Variants in SIN3A observed in about 807,000 individuals in gnomAD.
SIN3A encodes SIN3 transcription regulator family member A.
Under a neutral mutation model 146.1 loss-of-function variants are expected in SIN3A, and 14 were observed. The ratio of observed to expected loss-of-function variants is 0.10; its 90% confidence interval spans 0.06 to 0.15. The LOEUF is 0.15. Among genes scored for constraint, SIN3A ranks in the 10% least tolerant of loss-of-function variants. The pLI is 1.00. For synonymous variants in SIN3A, 572 were observed against 572.0 expected, an observed-to-expected ratio of 1.00 and a Z score of 0.00; for missense variants, 1,028 against 1,576.0, an observed-to-expected ratio of 0.65 and a Z score of 5.89.
intron 14 of SIN3A, among the ~76,000 whole-genome samples, chr15:75,393,153 C>T (rs1179189354): frequency 6.6e-6 from 1 of 152,154 alleles, no homozygotes; most frequent in Non-Finnish European, 1.5e-5. Flanking sequence ...CACTTGAACC[C>T]GTGAGGCAAA....
intron 1 of SIN3A, among the ~76,000 whole-genome samples, chr15:75,441,701 T>C (rs569297930): frequency 6.6e-6 from 1 of 152,298 alleles, no homozygotes. Context: ...GGTCTTTTTT[T>C]CCCTTTCTGC....
chr15:75,446,291 A>G (rs1017752353), intron 1 of SIN3A: 2 of 150,922 alleles, frequency 1.3e-5, no homozygotes, highest in African/African-American at 4.9e-5. Flanking sequence ...AAATTAGTGG[A>G]GGAAGCCTTC....
intron 9 of SIN3A, among the ~76,000 whole-genome samples, chr15:75,403,774 G>T (rs1452710402): frequency 6.6e-6 from 1 of 152,082 alleles, no homozygotes; most frequent in Non-Finnish European, 1.5e-5. Flanking sequence ...TTGAACTCCT[G>T]ACTTCAGGTG....
At chr15:75,394,447 A>G (rs559005421) in intron 14 of SIN3A, among the ~76,000 whole-genome samples, 1 of 152,332 alleles carries the variant, frequency 6.6e-6, no homozygotes, top group South Asian at 2.1e-4. Flanking sequence ...AGGAGGTATA[A>G]GTTGAAACCA....
intron 9 of SIN3A, among the ~76,000 whole-genome samples, chr15:75,406,731 A>G (rs554250136): frequency 6.6e-5 from 10 of 152,354 alleles, no homozygotes; most frequent in Admixed American, 3.3e-4. Flanking sequence ...AAAAATTGGT[A>G]CAGGCACTGG....
chr15:75,402,374 T>TAATTA, intron 9 of SIN3A, among the ~76,000 whole-genome samples: 1 of 151,742 alleles, frequency 6.6e-6, no homozygotes, highest in Non-Finnish European at 1.5e-5. Flanking sequence ...TAGCCAGGCA[T>TAATTA]GGTGGCACAC....
At chr15:75,390,880 C>T (rs924586591) in intron 15 of SIN3A, among the ~76,000 whole-genome samples, 3 of 152,178 alleles carry the variant, frequency 2.0e-5, no homozygotes, top group African/African-American at 7.2e-5. Flanking sequence ...CCGGCCTATA[C>T]ATTGCACTTC....
chr15:75,422,805 T>C lies in SIN3A; in HGVS notation c.208A>G (p.Ser70Gly). The C allele has an allele frequency of 6.2e-7, 1 of 1,613,176 alleles. No individual in the cohort carries two copies. The highest frequency in any genetic ancestry group is 8.5e-7 in the Non-Finnish European group (1 of 1,179,206). Residue 70 changes from serine (S) to glycine (G), a missense_variant, in exon 3 of 21, where the codon AGC (serine) becomes GGC (glycine). Ser to Gly is a moderately conservative substitution (Grantham distance 56, BLOSUM62 0). Coordinates refer to ENST00000394947, the MANE Select transcript of SIN3A (RefSeq NM_001145358.2). ...ATAGCGGGCCCATGACTGCCGGAGC[T>C]CTGTGGCATGGCTGAAACCTGGGGT... ...PSYQVSAMPQ[S>G]SGSHGPAIAA...
In SIN3A at chr15:75,398,747, T is replaced by C. The variant is rs192785886; in HGVS notation, c.1854+1293A>G. ...CAATCAGGCCAGGTATGGTGGCTCA[T>C]GTGTGTAATCCCAGCACTTTGGGAG... On this transcript the variant is annotated intron_variant, in intron 12 of 20. Coordinates refer to ENST00000394947, the MANE Select transcript of SIN3A (RefSeq NM_001145358.2). Among the ~76,000 whole-genome samples, 282 of 148,340 alleles carry C rather than the reference T, an allele frequency of 1.9e-3. 2 individuals are homozygous for C. The highest frequency in any genetic ancestry group is 6.9e-3 in the African/African-American group (275 of 39,862).
chr15:75,387,324 A>G (rs2073104800), intron 16 of SIN3A, among the ~76,000 whole-genome samples: 1 of 152,090 alleles, frequency 6.6e-6, no homozygotes, highest in Admixed American at 6.6e-5. Flanking sequence ...CATAAGTTTG[A>G]GGCCAGCCTG....
intron 20 of SIN3A, among the ~76,000 whole-genome samples, chr15:75,373,220 C>CA (rs981401157): frequency 1.5e-4 from 23 of 151,916 alleles, no homozygotes; most frequent in East Asian, 7.7e-4. Context: ...CAACACATAG[C>CA]AAAAAAAATG....
intron 8 of SIN3A, 119 bp downstream of exon 8, chr15:75,409,717 A>T: frequency 9.1e-7 from 1 of 1,094,580 alleles, no homozygotes; most frequent in South Asian, 1.5e-5. Flanking sequence ...ACAGAGCGAG[A>T]CTCGGTCTCA....
Position 75,371,754 on chromosome 15 carries a change from C to T in SIN3A, c.*225G>A. 1 of 549,862 alleles carries T rather than the reference C, an allele frequency of 1.8e-6. No homozygotes were observed. Among genetic ancestry groups the T allele is most frequent in the Non-Finnish European group, 3.2e-6 (1 of 309,730 alleles). 34.1% of individuals were successfully genotyped at this position (549,862 alleles called of 1,614,324 possible). On this transcript the variant is annotated 3_prime_UTR_variant, in exon 21 of 21. Coordinates refer to ENST00000394947, the MANE Select transcript of SIN3A (RefSeq NM_001145358.2). The stretch of plus-strand genomic sequence containing the variant: ...CCTCCAGGGCAGGCTATACCCAAAA[C>T]CCTTTGGGAAAAGTTCCAGCTTCAG...
rs752355034 is a variant in SIN3A, at chr15:75,392,433, T to C, written c.2660A>G (p.Tyr887Cys). The C allele has an allele frequency of 6.2e-7, 1 of 1,614,112 alleles. No individual in the cohort carries two copies. Among genetic ancestry groups the C allele is most frequent in the African/African-American group, 1.3e-5 (1 of 74,940 alleles). The change falls in exon 15 of 21, where the codon TAT becomes TGT. Residue 887 changes from tyrosine to cysteine, a missense_variant. Tyr to Cys is a radical substitution (Grantham distance 194). This residue lies in a region of SIN3A where 488 missense variants were observed against 690.2 expected (regional missense o/e 0.71). Coordinates refer to ENST00000394947, the MANE Select transcript of SIN3A (RefSeq NM_001145358.2). ...RGMDEVYNLF[Y>C]VNNNWYIFMR... ...AAAAATATACCAGTTGTTGTTGACA[T>C]AGAAGAGGTTGTATACTTCATCCAT...
At chr15:75,379,823 C>T (rs1028154521) in intron 19 of SIN3A, among the ~76,000 whole-genome samples, 4 of 152,154 alleles carry the variant, frequency 2.6e-5, no homozygotes, top group Non-Finnish European at 4.4e-5. Context: ...TCACAATCTG[C>T]CTATACACAG....
Position 75,372,085 on chromosome 15 carries a change from A to C in SIN3A, c.3716T>G (p.Leu1239Arg). Residue 1239 changes from leucine to arginine, a missense_variant, in exon 21 of 21, where the codon CTG becomes CGG. Leu to Arg is a moderately radical substitution (Grantham distance 102, BLOSUM62 -2). This residue lies in a region of SIN3A where 488 missense variants were observed against 690.2 expected (regional missense o/e 0.71). Transcript: ENST00000394947. ...ETSKWLMGEG[L>R]EGLVPCTTTC... is the part of the protein sequence containing the mutation. ...GGTGGTACAGGGCACCAGGCCCTCC[A>C]GCCCCTCACCCATGAGCCACTTGCT... The C allele has an allele frequency of 6.2e-7, 1 of 1,614,194 alleles. No individual in the cohort carries two copies. Among genetic ancestry groups the C allele is most frequent in the African/African-American group, 1.3e-5 (1 of 75,046 alleles).
At chr15:75,393,654 C>T (rs747558626) in intron 14 of SIN3A, among the ~76,000 whole-genome samples, 6 of 152,202 alleles carry the variant, frequency 3.9e-5, no homozygotes, top group Non-Finnish European at 7.4e-5. Flanking sequence ...GGATTACAGG[C>T]GTGAGCCACT....
intron 8 of SIN3A, among the ~76,000 whole-genome samples, chr15:75,407,721 T>C (rs2073540699): frequency 6.6e-6 from 1 of 151,404 alleles, no homozygotes; most frequent in African/African-American, 2.4e-5. Context: ...TGAAACCCCG[T>C]CTCTACTAAA....
upstream of SIN3A, among the ~76,000 whole-genome samples, chr15:75,454,379 C>T (rs1467992371): frequency 1.3e-5 from 2 of 152,066 alleles, no homozygotes; most frequent in Non-Finnish European, 2.9e-5. Context: ...GTTGCACAAG[C>T]CGCCGGCGGA....
Sources: allele counts gnomAD v4.1 joint callset (sites outside exome capture counted in the v4.1 genomes callset), GRCh38; gene constraint gnomAD v4.1.1; regional missense constraint gnomAD v4.1.1; transcripts MANE v1.5; gene names NCBI Gene and HGNC (gene_info 2026-07-23, HGNC 2026-07-21).